SNTB2: variants seen among roughly 807,000 people sequenced by gnomAD.
SNTB2 encodes the protein beta-2-syntrophin.
A neutral mutation model predicts 46.2 loss-of-function variants in SNTB2; 34 were observed. That is an observed-to-expected ratio of 0.74 (90% CI 0.56 to 0.98). The LOEUF (loss-of-function observed/expected upper bound fraction) is 0.98. Among genes scored for constraint, SNTB2 ranks in the 50% least tolerant of loss-of-function variants. The pLI is 0.00. For missense variants in SNTB2, 603 were observed against 731.4 expected (o/e 0.82, Z 2.02); for synonymous variants, 290 against 312.6 (o/e 0.93, Z 0.76).
chr16:69,245,370 T>A (rs1006818029), intron 1 of SNTB2, among the ~76,000 whole-genome samples: 2 of 152,092 alleles, frequency 1.3e-5, no homozygotes, highest in African/African-American at 4.8e-5. Context: ...ATTTTTTGTA[T>A]TTTTGGTAGA....
chr16:69,238,096 G>A (rs557290248), intron 1 of SNTB2, among the ~76,000 whole-genome samples: 2 of 152,222 alleles, frequency 1.3e-5, no homozygotes, highest in South Asian at 2.1e-4. Flanking sequence ...GCTGACCTGC[G>A]TGGACAACAT....
At chr16:69,210,793 G>T (rs1165403373) in intron 1 of SNTB2, among the ~76,000 whole-genome samples, 2 of 152,140 alleles carry the variant, frequency 1.3e-5, no homozygotes, top group African/African-American at 4.8e-5. Flanking sequence ...AGGAGTTCCA[G>T]ACTAGCATGG....
intron 1 of SNTB2, among the ~76,000 whole-genome samples, chr16:69,233,918 A>G (rs937351068): frequency 6.6e-6 from 1 of 152,074 alleles, no homozygotes; most frequent in Non-Finnish European, 1.5e-5. Flanking sequence ...TTGAGGCTGC[A>G]GTGAGCTATG....
chr16:69,307,877 A>G lies in SNTB2; in HGVS notation c.*6953A>G, dbSNP rs1965327573. On this transcript the variant is annotated 3_prime_UTR_variant, in exon 7 of 7. Coordinates refer to ENST00000336278, the MANE Select transcript of SNTB2 (RefSeq NM_006750.4). The stretch of plus-strand genomic sequence containing the variant: ...CCAGGACACGCTGGCATTTGGACTC[A>G]ATGAAAAGGGCACCTAAAGAAAATA... 1 of 152,236 alleles carries G rather than the reference A, an allele frequency of 6.6e-6. No individual in the cohort carries two copies. The highest frequency in any genetic ancestry group is 1.5e-5 in the Non-Finnish European group (1 of 68,042). The allele number at this position is 152,236 out of a possible 1,614,324, so 9.4% of individuals were successfully genotyped here.
At chr16:69,230,823 C>T (rs1964499566) in intron 1 of SNTB2, 1 of 150,794 alleles carries the variant, frequency 6.6e-6, no homozygotes, top group African/African-American at 2.4e-5. Flanking sequence ...CCGCTCACTG[C>T]AAGCTCCGCC....
intron 1 of SNTB2, among the ~76,000 whole-genome samples, chr16:69,203,946 G>A (rs147872902): frequency 0.023 from 3,494 of 151,934 alleles, 137 homozygotes; most frequent in African/African-American, 0.08. Context: ...AGGCTGGAGC[G>A]TAGTGGCGCG....
At chr16:69,225,609 T>C (rs917236181) in intron 1 of SNTB2, among the ~76,000 whole-genome samples, 3 of 152,258 alleles carry the variant, frequency 2.0e-5, no homozygotes, top group Non-Finnish European at 2.9e-5. Context: ...TTTTGCCTTA[T>C]TATAATTTCT....
At position 69,187,320 on chromosome 16, in the gene SNTB2, G is replaced by C; in HGVS notation, c.154G>C (p.Gly52Arg). 6.9e-7 allele frequency: 1 copy of C among 1,456,552 alleles called. No homozygotes were observed. The highest frequency in any genetic ancestry group is 9.0e-7 in the Non-Finnish European group (1 of 1,107,576). 90.2% of individuals were successfully genotyped at this position (1,456,552 alleles called of 1,614,324 possible). A position where few individuals can be genotyped will look rare whatever the true frequency, so the allele number is the denominator to read the frequency against. Reference protein sequence around the residue: ...ELSGESLSLTGDAAAAELEPA... With the variant: ...ELSGESLSLTRDAAAAELEPA... ...GAGCGGGGAGAGCCTGAGCCTGACG[G>C]GCGACGCCGCCGCGGCCGAGCTGGA... is the stretch of plus-strand genomic sequence containing the variant. Residue 52 changes from glycine to arginine, a missense_variant, in exon 1 of 7, where the codon GGC becomes CGC. Around this residue, in one of 2 missense-constraint regions of SNTB2, gnomAD observed 537 missense variants for 692.4 expected, o/e 0.78. Transcript: ENST00000336278.
At chr16:69,256,939 G>A (rs1005320552) in intron 2 of SNTB2, among the ~76,000 whole-genome samples, 1 of 152,178 alleles carries the variant, frequency 6.6e-6, no homozygotes, top group African/African-American at 2.4e-5. Flanking sequence ...GGAGACCGAG[G>A]CAGGCGGATC....
rs114084561 is a variant in SNTB2 at position 69,235,299 on chromosome 16, G to A, written c.581-10303G>A. Among the ~76,000 whole-genome samples the A allele has an allele frequency of 9.1e-3, 1,387 of 152,210 alleles. 22 individuals carry two copies. Among genetic ancestry groups the A allele is most frequent in the African/African-American group, 0.032 (1,310 of 41,536 alleles). ...CCAGTTTTAATTTTACGTAGAATAG[G>A]TGAATGGGTGTCTTCCCTTCTTGTT... On this transcript the variant is annotated intron_variant, in intron 1 of 6. Transcript: ENST00000336278.
chr16:69,224,469 C>G (rs538467040), intron 1 of SNTB2, among the ~76,000 whole-genome samples: 39 of 152,178 alleles, frequency 2.6e-4, no homozygotes, highest in African/African-American at 8.9e-4. Context: ...CCTTGGCCTC[C>G]CAAAGTACTG....
intron 1 of SNTB2, among the ~76,000 whole-genome samples, chr16:69,188,895 G>A (rs1247005809): frequency 6.6e-6 from 1 of 152,172 alleles, no homozygotes; most frequent in Non-Finnish European, 1.5e-5. Context: ...AGCCAGGGAG[G>A]ACTTTTTCCC....
At chr16:69,246,068 T>A (rs1405458354) in intron 2 of SNTB2, among the ~76,000 whole-genome samples, 4 of 152,142 alleles carry the variant, frequency 2.6e-5, no homozygotes, top group Non-Finnish European at 5.9e-5. Flanking sequence ...ACTAAAGGGG[T>A]GAAAGAAAGA....
intron 1 of SNTB2, among the ~76,000 whole-genome samples, chr16:69,197,141 G>C (rs555956986): frequency 1.3e-5 from 2 of 152,190 alleles, no homozygotes; most frequent in East Asian, 3.9e-4. Flanking sequence ...TTACTTTTAA[G>C]AAGTACCCAA....
chr16:69,238,162 A>G (rs555277286), intron 1 of SNTB2, among the ~76,000 whole-genome samples: 41 of 152,280 alleles, frequency 2.7e-4, no homozygotes, highest in Admixed American at 6.5e-4. Flanking sequence ...TAGAGCCCCA[A>G]TAGGACATTG....
intron 5 of SNTB2, among the ~76,000 whole-genome samples, chr16:69,287,002 T>G (rs765263159): frequency 3.3e-5 from 5 of 152,256 alleles, no homozygotes; most frequent in Non-Finnish European, 4.4e-5. Flanking sequence ...ATCTAGCAAG[T>G]TTATGGCTAT....
In SNTB2 at chr16:69,202,707, C is replaced by G. The variant is rs535171108; in HGVS notation, c.580+14961C>G. Among the ~76,000 whole-genome samples, 10 of 152,218 alleles carry G rather than the reference C, an allele frequency of 6.6e-5. No individual in the cohort carries two copies. The South Asian group carries it at 1.9e-3, about 28-fold the overall frequency. ...TCTCGTGCTTCAGCCTCCCAGGTAGCTGAGACTACAGGCATGTGCCACCAC... is the reference window on the plus strand; with the variant it reads ...TCTCGTGCTTCAGCCTCCCAGGTAGGTGAGACTACAGGCATGTGCCACCAC... On this transcript the variant is annotated intron_variant, in intron 1 of 6. Coordinates refer to ENST00000336278, the MANE Select transcript of SNTB2 (RefSeq NM_006750.4).
chr16:69,207,154 CTTTT>C (rs1555497921), intron 1 of SNTB2, among the ~76,000 whole-genome samples: 3 of 126,448 alleles, frequency 2.4e-5, no homozygotes, highest in Non-Finnish European at 5.0e-5. Flanking sequence ...TTCTTTCTTT[CTTTT>C]TTTTTTTTTT....
At chr16:69,214,645 G>A (rs1964328554) in intron 1 of SNTB2, among the ~76,000 whole-genome samples, 1 of 151,684 alleles carries the variant, frequency 6.6e-6, no homozygotes, top group South Asian at 2.1e-4. Flanking sequence ...TCCTGCCTCA[G>A]CCTCCTGAGT....
Sources: gnomAD v4.1 joint callset for allele counts (sites outside exome capture counted in the v4.1 genomes callset) on GRCh38, gnomAD v4.1.1 for gene constraint, gnomAD v4.1.1 regional missense constraint, MANE v1.5 for transcripts, NCBI Gene and HGNC (gene_info 2026-07-23, HGNC 2026-07-21) for gene names.